PSMC4: variants seen among roughly 807,000 people sequenced by gnomAD.
The protein encoded by PSMC4 is 26S proteasome regulatory subunit 6B.
A neutral mutation model predicts 48.4 loss-of-function variants in PSMC4; 13 were observed. The observed-to-expected ratio is 0.27, with a 90% confidence interval of 0.18 to 0.43. PSMC4 has a LOEUF of 0.43. Among genes scored for constraint, PSMC4 ranks in the 20% least tolerant of loss-of-function variants. The probability of loss-of-function intolerance (pLI) is 1.00; values close to 1 mark genes in which losing one functional copy is unlikely to be tolerated. For missense variants in PSMC4, 262 were observed against 555.9 expected (o/e 0.47, Z 5.32); for synonymous variants, 202 against 212.3 (o/e 0.95, Z 0.42).
At chr19:39,971,623 G>A (rs547937254) in intron 1 of PSMC4, among the ~76,000 whole-genome samples, 52 of 152,310 alleles carry the variant, frequency 3.4e-4, no homozygotes, top group Admixed American at 2.7e-3. Flanking sequence ...CTGATGTTCA[G>A]GGCTTTGCTG....
In PSMC4 at chr19:39,972,356, T is replaced by G; in HGVS notation, c.136-13T>G. 1 of 1,613,248 alleles carries G rather than the reference T, an allele frequency of 6.2e-7. No individual in the cohort carries two copies. Among genetic ancestry groups the G allele is most frequent in the East Asian group, 2.2e-5 (1 of 44,864 alleles). ...TCTGGAGCCATCCCCTTCTGTCCCC[T>G]CTCTGCTCGCAGAAGCTGCAGCAAG... On this transcript the variant is annotated splice_polypyrimidine_tract_variant and intron_variant, in intron 2 of 10. Coordinates refer to ENST00000157812, the MANE Select transcript of PSMC4 (RefSeq NM_006503.4).
chr19:39,980,605 T>C lies in PSMC4; in HGVS notation c.1088-57T>C. On this transcript the variant is annotated intron_variant, in intron 9 of 10. Coordinates refer to ENST00000157812, the MANE Select transcript of PSMC4 (RefSeq NM_006503.4). This position sits in a 1 kb window ranked among gnomAD's most constrained non-coding sequence, Gnocchi z 4.8. ...GTGACAGAGATGGCCAAAGATGACT[T>C]CCAGCCCCAGGCATTTACCCCATCA... 2 of 1,603,248 alleles carry C rather than the reference T, an allele frequency of 1.2e-6. No homozygotes were observed. Among genetic ancestry groups the C allele is most frequent in the Non-Finnish European group, 1.7e-6 (2 of 1,170,430 alleles).
Position 39,980,380 on chromosome 19 carries a change from G to A in PSMC4, c.1013G>A (p.Arg338His). 3 of 1,614,096 alleles carry A rather than the reference G, an allele frequency of 1.9e-6. No homozygotes were observed. Among genetic ancestry groups the A allele is most frequent in the Non-Finnish European group, 2.5e-6 (3 of 1,180,030 alleles). ...DRKIEFPLPD[R>H]RQKRLIFSTI... ...AAAATTGAATTTCCACTTCCTGACC[G>A]CCGCCAGAAGAGATTGATTTTCTCC... Residue 338 changes from arginine to histidine, a missense_variant, in exon 9 of 11, where the codon CGC becomes CAC. Physicochemically the swap from Arg to His is conservative, Grantham distance 29. This residue lies in a region of PSMC4 where 84 missense variants were observed against 157.8 expected (regional missense o/e 0.53). Coordinates refer to ENST00000157812, the MANE Select transcript of PSMC4 (RefSeq NM_006503.4). The surrounding 1 kb of genome is among the most constrained non-coding windows in gnomAD (Gnocchi z 4.8).
chr19:39,979,299 GC>G (rs1971253446), intron 6 of PSMC4: 1 of 152,224 alleles, frequency 6.6e-6, no homozygotes, highest in Non-Finnish European at 1.5e-5. Flanking sequence ...GGTGGCTCAT[GC>G]CTGTAATCCC....
Position 39,980,717 on chromosome 19 carries a change from G to A in PSMC4, c.1143G>A (p.Glu381=), listed in dbSNP as rs1422217403. ...SGADINSICQ[E]SGMLAVRENR... is the part of the protein sequence containing the mutation. ...CTGATATTAACTCCATCTGTCAGGA[G>A]GTAAGTGGTGGTTTCTCTCTGGATC... Residue 381 remains glutamate (E), a splice_region_variant and synonymous_variant, in exon 10 of 11, where the codon GAG becomes GAA. Coordinates refer to ENST00000157812, the MANE Select transcript of PSMC4 (RefSeq NM_006503.4). This position sits in a 1 kb window ranked among gnomAD's most constrained non-coding sequence, Gnocchi z 4.8. 1 of 1,613,882 alleles carries A rather than the reference G, an allele frequency of 6.2e-7. No homozygotes were observed.
At position 39,979,979 on chromosome 19, in the gene PSMC4, CAG is replaced by C. The variant is rs753284065; in HGVS notation, c.837_838del (p.Ala281ArgfsTer19). The C allele has an allele frequency of 6.8e-6, 11 of 1,613,750 alleles. No homozygotes were observed. Among genetic ancestry groups the C allele is most frequent in the African/African-American group, 1.3e-5 (1 of 74,852 alleles). On this transcript the variant is annotated frameshift_variant, in exon 7 of 11. Transcript: ENST00000157812. LOFTEE classifies it high-confidence loss of function. ...GCCACCAAGAGATTCGATGCTCAGA[CAG>C]GGGGTAAGTGATGCTGAAACAAGGC... is the stretch of plus-strand genomic sequence containing the variant.
In PSMC4 at chr19:39,974,670, C is replaced by T. The variant is rs1000214609; in HGVS notation, c.579+37C>T. On this transcript the variant is annotated intron_variant, in intron 5 of 10. Coordinates refer to ENST00000157812, the MANE Select transcript of PSMC4 (RefSeq NM_006503.4). The surrounding 1 kb of genome is among the most constrained non-coding windows in gnomAD (Gnocchi z 5.5). ...CAGGTGGCAGGGAAGGGAGAGGCCCCATTGGGTCTGGGGTTGGAGGTGGAA... is the reference window on the plus strand; with the variant it reads ...CAGGTGGCAGGGAAGGGAGAGGCCCTATTGGGTCTGGGGTTGGAGGTGGAA... 1.5e-5 allele frequency: 23 copies of T among 1,571,878 alleles called. No homozygotes were observed. Among genetic ancestry groups the T allele is most frequent in the Non-Finnish European group, 6.1e-6 (7 of 1,143,390 alleles).
chr19:39,971,986 G>A (rs1451347939), intron 1 of PSMC4, among the ~76,000 whole-genome samples, 160 bp from the exon 2 acceptor site: 1 of 152,134 alleles, frequency 6.6e-6, no homozygotes, highest in Non-Finnish European at 1.5e-5. Flanking sequence ...GTGGCCAAAA[G>A]GTTTCCAGGA....
intron 6 of PSMC4, among the ~76,000 whole-genome samples, chr19:39,975,467 A>AC (rs1339172310): frequency 7.3e-6 from 1 of 137,740 alleles, no homozygotes; most frequent in Non-Finnish European, 1.5e-5. Flanking sequence ...TCACTCTATA[A>AC]CTTTTTTTTT....
At position 39,978,836 on chromosome 19, in the gene PSMC4, G is replaced by C. The variant is rs144041437; in HGVS notation, c.674-981G>C. ...GTTTGAGACCAGCCTGAGCAATATA[G>C]CAAGACCCCATCTCCTCAAAAATTT... On this transcript the variant is annotated intron_variant, in intron 6 of 10. Coordinates refer to ENST00000157812, the MANE Select transcript of PSMC4 (RefSeq NM_006503.4). 2.9e-3 allele frequency among the ~76,000 whole-genome samples: 444 copies of C among 152,206 alleles called. 2 individuals are homozygous for C. Among genetic ancestry groups the C allele is most frequent in the African/African-American group, 0.01 (420 of 41,528 alleles).
intron 6 of PSMC4, among the ~76,000 whole-genome samples, chr19:39,979,145 T>C (rs1971251194): frequency 1.3e-5 from 2 of 152,208 alleles, no homozygotes; most frequent in African/African-American, 4.8e-5. Flanking sequence ...TATGATGTCT[T>C]AGTGTATGGG....
At position 39,976,036 on chromosome 19, in the gene PSMC4, CAGG is replaced by C. The variant is rs1166416849; in HGVS notation, c.673+1211_673+1213del. Among the ~76,000 whole-genome samples, 4 of 151,838 alleles carry C rather than the reference CAGG, an allele frequency of 2.6e-5. No homozygotes were observed. In the East Asian group the frequency reaches 5.8e-4, roughly 22 times the overall value. On this transcript the variant is annotated intron_variant, in intron 6 of 10. Transcript: ENST00000157812. ...GGCCGAGGTGGGAGGATCACGAGATCAGGAGATCGAGACCACAGTGAAACCCCG... is the reference window on the plus strand; with the variant it reads ...GGCCGAGGTGGGAGGATCACGAGATCAGATCGAGACCACAGTGAAACCCCG...
In PSMC4 at chr19:39,974,531, G is replaced by A. The variant is rs141185060; in HGVS notation, c.477G>A (p.Lys159=). The change falls in exon 5 of 11, where the codon AAG becomes AAA. Residue 159 remains lysine (K), a synonymous_variant. Coordinates refer to ENST00000157812, the MANE Select transcript of PSMC4 (RefSeq NM_006503.4). The surrounding 1 kb of genome is among the most constrained non-coding windows in gnomAD (Gnocchi z 5.5). ...GCTCTGCTCTCCCACCAGACCAGAA[G>A]CCAGATGTGATGTACGCGGACATCG... ...SSIMMLTSDQ[K]PDVMYADIGG... is the part of the protein sequence containing the mutation. The A allele has an allele frequency of 6.2e-7, 1 of 1,614,030 alleles. No individual in the cohort carries two copies. Among genetic ancestry groups the A allele is most frequent in the Non-Finnish European group, 8.5e-7 (1 of 1,180,014 alleles).
chr19:39,978,970 C>G (rs1384585904), intron 6 of PSMC4, among the ~76,000 whole-genome samples: 2 of 152,124 alleles, frequency 1.3e-5, no homozygotes, highest in African/African-American at 4.8e-5. Flanking sequence ...TATGATGATA[C>G]CACTGTACTC....
In PSMC4 at chr19:39,980,279, A is replaced by T. The variant is rs769743193; in HGVS notation, c.919-7A>T. The T allele has an allele frequency of 1.9e-6, 3 of 1,613,848 alleles. No homozygotes were observed. Among genetic ancestry groups the T allele is most frequent in the African/African-American group, 1.3e-5 (1 of 75,006 alleles). ...GAGATCTGAGCTGGCCTGCCCCCCA[A>T]TGTCAGGTAATCATGGCCACAAACA... On this transcript the variant is annotated splice_polypyrimidine_tract_variant and splice_region_variant and intron_variant, in intron 8 of 10. Coordinates refer to ENST00000157812, the MANE Select transcript of PSMC4 (RefSeq NM_006503.4). The surrounding 1 kb of genome is among the most constrained non-coding windows in gnomAD (Gnocchi z 4.8).
intron 2 of PSMC4, 25 bp from the exon 3 acceptor site, chr19:39,972,344 C>G (rs1461985570): frequency 7.4e-6 from 12 of 1,612,416 alleles, no homozygotes; most frequent in Admixed American, 3.3e-5. Flanking sequence ...GGAGCCATCC[C>G]CTTCTGTCCC....
chr19:39,972,758 TTTG>T (rs1971124138), intron 3 of PSMC4, among the ~76,000 whole-genome samples: 1 of 152,114 alleles, frequency 6.6e-6, no homozygotes, highest in African/African-American at 2.4e-5. Context: ...TTGTTTGTTT[TTTG>T]TTTTGAGACA....
chr19:39,974,077 G>A lies in PSMC4; in HGVS notation c.323-217G>A, dbSNP rs1278878320. Among the ~76,000 whole-genome samples, 3 of 152,134 alleles carry A rather than the reference G, an allele frequency of 2.0e-5. No homozygotes were observed. The highest frequency in any genetic ancestry group is 4.4e-5 in the Non-Finnish European group (3 of 68,028). Reference sequence around the variant, plus strand: ...TATGAGATGCAGGGGGAGGCCTGCTGGACAGCCAGGGCTGGATGTCAAGAG... The same window carrying A: ...TATGAGATGCAGGGGGAGGCCTGCTAGACAGCCAGGGCTGGATGTCAAGAG... On this transcript the variant is annotated intron_variant, in intron 3 of 10. Transcript: ENST00000157812. This position sits in a 1 kb window ranked among gnomAD's most constrained non-coding sequence, Gnocchi z 5.5.
In PSMC4 at chr19:39,974,528, G is replaced by A. The variant is rs535543197; in HGVS notation, c.474G>A (p.Gln158=). 2.5e-5 allele frequency: 41 copies of A among 1,614,104 alleles called. No individual in the cohort carries two copies. The highest frequency in any genetic ancestry group is 3.3e-4 in the Middle Eastern group (2 of 6,060). The change falls in exon 5 of 11, where the codon CAG becomes CAA. Residue 158 remains glutamine, a synonymous_variant. Coordinates refer to ENST00000157812, the MANE Select transcript of PSMC4 (RefSeq NM_006503.4). The surrounding 1 kb of genome is among the most constrained non-coding windows in gnomAD (Gnocchi z 5.5). ...DSSIMMLTSD[Q]KPDVMYADIG... is the part of the protein sequence containing the mutation. ...CCAGCTCTGCTCTCCCACCAGACCA[G>A]AAGCCAGATGTGATGTACGCGGACA...
Sources: gnomAD v4.1 joint callset for allele counts (sites outside exome capture counted in the v4.1 genomes callset) on GRCh38, gnomAD v4.1.1 for gene constraint, gnomAD v4.1.1 regional missense constraint, Gnocchi (gnomAD v3.1) non-coding constraint, MANE v1.5 for transcripts, NCBI Gene and HGNC (gene_info 2026-07-23, HGNC 2026-07-21) for gene names.